SAXO1: variants seen among roughly 807,000 people sequenced by gnomAD.
SAXO1 encodes the protein stabilizer of axonemal microtubules 1.
SAXO1 carries 21 observed loss-of-function variants against 17.5 expected under a neutral mutation model. The observed-to-expected ratio is 1.20, with a 90% CI of 0.85 to 1.72. The LOEUF is 1.72. SAXO1 is among the 40% of genes most tolerant of loss of function. SAXO1 has a pLI of 0.00. For missense variants in SAXO1, 843 were observed against 596.0 expected (o/e 1.41, Z -4.32); for synonymous variants, 274 against 216.5 (o/e 1.27, Z -2.33).
chr9:18,984,604 T>G (rs1202457470), intron 1 of SAXO1, among the ~76,000 whole-genome samples: 1 of 152,210 alleles, frequency 6.6e-6, no homozygotes, highest in Admixed American at 6.5e-5. Flanking sequence ...GCCTCAAATA[T>G]TTCCTCTGCA....
At chr9:18,956,830 T>C (rs756189547) in intron 1 of SAXO1, among the ~76,000 whole-genome samples, 8 of 152,224 alleles carry the variant, frequency 5.3e-5, no homozygotes, top group Non-Finnish European at 7.3e-5. Context: ...TTATATATTA[T>C]TGCATCTAAT....
At chr9:19,034,814 T>C (rs1835894002), upstream of SAXO1, among the ~76,000 whole-genome samples, 1 of 152,172 alleles carries the variant, frequency 6.6e-6, no homozygotes, top group Admixed American at 6.5e-5. Flanking sequence ...ACACAGTCCT[T>C]ACAGAGGAAA....
intron 1 of SAXO1, among the ~76,000 whole-genome samples, chr9:19,046,148 A>T (rs1364635063): frequency 6.6e-6 from 1 of 151,848 alleles, no homozygotes; most frequent in Non-Finnish European, 1.5e-5. Context: ...CTTGGAAGAA[A>T]CCAAGACTAA....
chr9:18,959,058 C>T (rs1284181716), intron 1 of SAXO1, among the ~76,000 whole-genome samples: 2 of 152,064 alleles, frequency 1.3e-5, no homozygotes, highest in African/African-American at 4.8e-5. Context: ...GGGAAAAAGA[C>T]ATCTTATTTG....
At chr9:18,971,093 C>G (rs558419671) in intron 1 of SAXO1, among the ~76,000 whole-genome samples, 1 of 152,290 alleles carries the variant, frequency 6.6e-6, no homozygotes, top group Non-Finnish European at 1.5e-5. Flanking sequence ...TCCTACCCAA[C>G]CCATACCTTT....
intron 1 of SAXO1, among the ~76,000 whole-genome samples, chr9:18,993,959 T>C (rs1232069669): frequency 1.3e-5 from 2 of 152,106 alleles, no homozygotes; most frequent in African/African-American, 2.4e-5. Context: ...TTTCAAGAGG[T>C]TGAAAAGAAA....
chr9:19,030,404 GACTT>G (rs1230344494), intron 1 of SAXO1, among the ~76,000 whole-genome samples: 5 of 151,236 alleles, frequency 3.3e-5, no homozygotes, highest in Non-Finnish European at 7.4e-5. Context: ...GAGGGACCCA[GACTT>G]TAGAAAAGAG....
intron 1 of SAXO1, among the ~76,000 whole-genome samples, chr9:18,983,169 A>G (rs1833466472): frequency 6.6e-6 from 1 of 152,262 alleles, no homozygotes; most frequent in Non-Finnish European, 1.5e-5. Context: ...TGAGTAATTT[A>G]TAAACTAGAG....
intron 1 of SAXO1, among the ~76,000 whole-genome samples, chr9:19,018,719 G>C (rs1022777207): frequency 6.6e-6 from 1 of 152,300 alleles, no homozygotes; most frequent in Middle Eastern, 3.4e-3. Flanking sequence ...GAAAAGCAGA[G>C]GCACCAGGTA....
At chr9:18,957,211 C>G (rs1444492941) in intron 1 of SAXO1, among the ~76,000 whole-genome samples, 2 of 152,220 alleles carry the variant, frequency 1.3e-5, no homozygotes, top group Non-Finnish European at 1.5e-5. Context: ...AGATTTAACT[C>G]CACTCCTCTT....
chr9:18,951,947 A>G (rs1242242283), intron 1 of SAXO1, among the ~76,000 whole-genome samples: 2 of 152,236 alleles, frequency 1.3e-5, no homozygotes, highest in Admixed American at 1.3e-4. Context: ...GTATACGTGA[A>G]TAATTAAATA....
chr9:19,042,077 C>T (rs550199405), intron 1 of SAXO1, among the ~76,000 whole-genome samples: 2 of 149,048 alleles, frequency 1.3e-5, no homozygotes, highest in South Asian at 2.2e-4. Context: ...ATATAAGGAG[C>T]TCAAACAACT....
chr9:18,932,112 A>G (rs1006953517), intron 3 of SAXO1, among the ~76,000 whole-genome samples: 3 of 152,210 alleles, frequency 2.0e-5, no homozygotes, highest in Non-Finnish European at 4.4e-5. Flanking sequence ...TGCCATGTCT[A>G]AATTCTTTGC....
At chr9:19,018,260 T>A (rs1445382000) in intron 1 of SAXO1, among the ~76,000 whole-genome samples, 1 of 152,194 alleles carries the variant, frequency 6.6e-6, no homozygotes, top group Admixed American at 6.5e-5. Context: ...AAGTTATTTA[T>A]GATTCTTCAA....
chr9:18,997,474 C>A (rs1268409387), intron 1 of SAXO1, among the ~76,000 whole-genome samples: 1 of 152,264 alleles, frequency 6.6e-6, no homozygotes, highest in African/African-American at 2.4e-5. Flanking sequence ...TCAAACTGGG[C>A]AGAGCCCACC....
chr9:19,034,237 G>C (rs1835874793), upstream of SAXO1, among the ~76,000 whole-genome samples: 1 of 152,036 alleles, frequency 6.6e-6, no homozygotes, highest in Non-Finnish European at 1.5e-5. Context: ...ATCTTGGACT[G>C]CAAGACACTT....
intron 1 of SAXO1, among the ~76,000 whole-genome samples, chr9:19,022,350 T>C (rs1425150005): frequency 2.0e-5 from 3 of 152,224 alleles, no homozygotes; most frequent in Admixed American, 6.5e-5. Context: ...TGCGGCTTCA[T>C]TCTTGAAGTG....
chr9:19,047,500 G>T (rs2131080207), intron 1 of SAXO1, among the ~76,000 whole-genome samples: 1 of 152,316 alleles, frequency 6.6e-6, no homozygotes, highest in East Asian at 1.9e-4. Flanking sequence ...CAAGGGCATG[G>T]TTTCCAAATT....
rs148241078 is a variant in SAXO1 at position 18,928,391 on chromosome 9, G to C, written c.1086C>G (p.Asp362Glu). 3.1e-6 allele frequency: 5 copies of C among 1,611,426 alleles called. No homozygotes were observed. In the African/African-American group the frequency reaches 6.7e-5, roughly 22 times the overall value. ...TEPVKPVPQL[D>E]LPTEPLDCLT... ...GGCAGTCCAGGGGCTCGGTGGGCAA[G>C]TCCAGCTGGGGAACGGGCTTGACTG... Residue 362 changes from aspartate (D) to glutamate (E), a missense_variant, in exon 4 of 4, where the codon GAC becomes GAG. Transcript: ENST00000380534.
Sources: allele counts gnomAD v4.1 joint callset (sites outside exome capture counted in the v4.1 genomes callset), GRCh38; gene constraint gnomAD v4.1.1; transcripts MANE v1.5; gene names NCBI Gene and HGNC (gene_info 2026-07-23, HGNC 2026-07-21).